Variants in PITPNC1 observed in about 807,000 individuals in gnomAD.
PITPNC1 encodes cytoplasmic phosphatidylinositol transfer protein 1.
In PITPNC1, 18 loss-of-function variants were observed where a neutral mutation model predicts 44.7. That is an observed-to-expected ratio of 0.40 (90% confidence interval 0.28 to 0.60). The LOEUF (loss-of-function observed/expected upper bound fraction) is 0.60, where lower values mean the gene tolerates loss of function less well. Among genes scored for constraint, PITPNC1 ranks in the 20% least tolerant of loss-of-function variants. PITPNC1 has a pLI of 0.39. For synonymous variants in PITPNC1, 141 were observed against 149.6 expected, an observed-to-expected ratio of 0.94 and a Z score of 0.42; for missense variants, 290 against 418.4, an observed-to-expected ratio of 0.69 and a Z score of 2.68.
chr17:67,492,680 C>T (rs537882051), intron 1 of PITPNC1, among the ~76,000 whole-genome samples: 5 of 152,224 alleles, frequency 3.3e-5, no homozygotes, highest in Non-Finnish European at 5.9e-5. Context: ...GTTTTCACAC[C>T]GCCCCAGGAC....
chr17:67,527,664 G>A (rs1347375556), intron 1 of PITPNC1, among the ~76,000 whole-genome samples: 2 of 151,924 alleles, frequency 1.3e-5, no homozygotes, highest in African/African-American at 2.4e-5. Context: ...TCTCGCCACT[G>A]CACTCCAGCC....
At chr17:67,488,276 AGGCGT>A (rs1229729941) in intron 1 of PITPNC1, among the ~76,000 whole-genome samples, 1 of 152,238 alleles carries the variant, frequency 6.6e-6, no homozygotes, top group Non-Finnish European at 1.5e-5. Flanking sequence ...GGCTCATCCT[AGGCGT>A]GGAGCGCTTC....
chr17:67,591,004 T>C (rs9893559), intron 5 of PITPNC1, among the ~76,000 whole-genome samples: 364 of 152,098 alleles, frequency 2.4e-3, no homozygotes, highest in African/African-American at 8.5e-3. Context: ...TAGACATACC[T>C]GGTGTATACC....
At chr17:67,398,334 A>AT (rs1040787934) in intron 1 of PITPNC1, among the ~76,000 whole-genome samples, 4 of 151,966 alleles carry the variant, frequency 2.6e-5, no homozygotes, top group Admixed American at 6.6e-5. Flanking sequence ...CTTGGAAAGC[A>AT]TTTTTTTCTT....
chr17:67,419,984 T>C (rs182512996), intron 1 of PITPNC1, among the ~76,000 whole-genome samples: 139 of 152,160 alleles, frequency 9.1e-4, no homozygotes, highest in African/African-American at 3.2e-3. Flanking sequence ...CATCTGTCTA[T>C]CCATCCGTAA....
At chr17:67,546,403 C>G (rs1420277133) in intron 2 of PITPNC1, among the ~76,000 whole-genome samples, 1 of 151,854 alleles carries the variant, frequency 6.6e-6, no homozygotes, top group Non-Finnish European at 1.5e-5. Flanking sequence ...CTATTCTGTC[C>G]CCATCTGAGT....
chr17:67,497,910 G>C (rs916799660), intron 1 of PITPNC1, among the ~76,000 whole-genome samples: 2 of 151,390 alleles, frequency 1.3e-5, no homozygotes, highest in Non-Finnish European at 1.5e-5. Flanking sequence ...GCCCAGGCTG[G>C]AGTGCAGTGG....
chr17:67,646,605 C>T (rs2042152441), intron 6 of PITPNC1, among the ~76,000 whole-genome samples: 1 of 152,188 alleles, frequency 6.6e-6, no homozygotes, highest in Non-Finnish European at 1.5e-5. Context: ...TCACCGCAAC[C>T]TCCACCCCTC....
At chr17:67,515,673 G>A (rs931264083) in intron 1 of PITPNC1, among the ~76,000 whole-genome samples, 2 of 152,206 alleles carry the variant, frequency 1.3e-5, no homozygotes, top group African/African-American at 4.8e-5. Context: ...AAGAGAAGTG[G>A]ATATTCCGGC....
chr17:67,520,654 A>G (rs1462853835), intron 1 of PITPNC1, among the ~76,000 whole-genome samples: 1 of 152,120 alleles, frequency 6.6e-6, no homozygotes, highest in Non-Finnish European at 1.5e-5. Flanking sequence ...TGAGTGATGA[A>G]CGGGAGCGCA....
At chr17:67,636,864 C>T (rs1052001491) in intron 6 of PITPNC1, among the ~76,000 whole-genome samples, 2 of 152,204 alleles carry the variant, frequency 1.3e-5, no homozygotes, top group African/African-American at 4.8e-5. Context: ...AATTAACACC[C>T]TCCACCCCAC....
intron 6 of PITPNC1, among the ~76,000 whole-genome samples, chr17:67,654,816 G>A (rs2042245824): frequency 6.6e-6 from 1 of 152,020 alleles, no homozygotes; most frequent in Admixed American, 6.6e-5. Context: ...TGTATTTTTA[G>A]TAGAGACGGG....
At chr17:67,679,589 A>T (rs1191710558) in intron 8 of PITPNC1, among the ~76,000 whole-genome samples, 1 of 152,250 alleles carries the variant, frequency 6.6e-6, no homozygotes, top group Non-Finnish European at 1.5e-5. Context: ...ATCATTTGTC[A>T]GCCAAGGATG....
intron 1 of PITPNC1, among the ~76,000 whole-genome samples, chr17:67,440,497 TTTTTATTTA>T (rs1344520604): frequency 1.4e-5 from 2 of 137,992 alleles, no homozygotes; most frequent in East Asian, 4.2e-4. Flanking sequence ...CTTGCAAGAC[TTTTTATTTA>T]TTTATTTATT....
At chr17:67,407,709 G>A (rs1212145323) in intron 1 of PITPNC1, among the ~76,000 whole-genome samples, 1 of 151,638 alleles carries the variant, frequency 6.6e-6, no homozygotes, top group East Asian at 1.9e-4. Context: ...AACCTGAATC[G>A]CTTGAACCCA....
At position 67,695,938 on chromosome 17, in the gene PITPNC1, T is replaced by G. The variant is rs1170855631; in HGVS notation, c.*3050T>G. ...AATCACCTCTGAAGATCATTTCATTTTCTCACTTTGGGTTGTTGCAAGACA... is the reference window on the plus strand; with the variant it reads ...AATCACCTCTGAAGATCATTTCATTGTCTCACTTTGGGTTGTTGCAAGACA... On this transcript the variant is annotated 3_prime_UTR_variant, in exon 9 of 9. Coordinates refer to ENST00000581322, the MANE Select transcript of PITPNC1 (RefSeq NM_012417.4). The G allele has an allele frequency of 6.6e-6, 1 of 152,220 alleles. No homozygotes were observed. Among genetic ancestry groups the G allele is most frequent in the Non-Finnish European group, 1.5e-5 (1 of 68,038 alleles). The allele number at this position is 152,220 out of a possible 1,614,324, so 9.4% of individuals were successfully genotyped here.
intron 1 of PITPNC1, among the ~76,000 whole-genome samples, chr17:67,386,486 C>T (rs1173432815): frequency 5.9e-5 from 9 of 152,216 alleles, no homozygotes; most frequent in African/African-American, 2.4e-5. Context: ...AGCCACTGCG[C>T]CCCGCCTAAA....
At chr17:67,415,990 C>T (rs1431015581) in intron 1 of PITPNC1, among the ~76,000 whole-genome samples, 4 of 151,510 alleles carry the variant, frequency 2.6e-5, no homozygotes, top group Non-Finnish European at 5.9e-5. Flanking sequence ...CTTCTTTGTT[C>T]GTTAGGTTGA....
At chr17:67,393,084 C>T (rs2038162554) in intron 1 of PITPNC1, among the ~76,000 whole-genome samples, 1 of 150,646 alleles carries the variant, frequency 6.6e-6, no homozygotes, top group African/African-American at 2.4e-5. Context: ...GAGTCAAGAT[C>T]GCACCACTGC....
Sources: allele counts gnomAD v4.1 joint callset (sites outside exome capture counted in the v4.1 genomes callset), GRCh38; gene constraint gnomAD v4.1.1; transcripts MANE v1.5; gene names NCBI Gene and HGNC (gene_info 2026-07-23, HGNC 2026-07-21).